The following HTRA4 variants were observed in gnomAD, a reference collection of about 807,000 sequenced individuals.
The protein encoded by HTRA4 is serine protease HTRA4.
A neutral mutation model predicts 49.1 loss-of-function variants in HTRA4; 46 were observed. That is an observed-to-expected ratio of 0.94 (90% CI 0.74 to 1.20). The LOEUF is 1.20. HTRA4 is among the 50% of genes most tolerant of loss of function. The pLI is 0.00. For synonymous variants in HTRA4, 261 were observed against 264.0 expected (o/e 0.99, Z 0.11); for missense variants, 602 against 636.9 (o/e 0.95, Z 0.59).
chr8:38,988,116 G>T lies in HTRA4; in HGVS notation c.*18G>T. 2.0e-6 allele frequency: 3 copies of T among 1,508,736 alleles called. No individual in the cohort carries two copies. Among genetic ancestry groups the T allele is most frequent in the Admixed American group, 2.5e-5 (1 of 40,256 alleles). The allele number at this position is 1,508,736 out of a possible 1,614,324, so 93.5% of individuals were successfully genotyped here. A position where few individuals can be genotyped will look rare whatever the true frequency, so the allele number is the denominator to read the frequency against. ...TCAATTAAATATCTTGTTTTAAAGTGGGATTATCTAAAAAAAAAAAAACCA... is the reference window on the plus strand; with the variant it reads ...TCAATTAAATATCTTGTTTTAAAGTTGGATTATCTAAAAAAAAAAAAACCA... On this transcript the variant is annotated 3_prime_UTR_variant, in exon 9 of 9. Transcript: ENST00000302495.
At chr8:38,975,840 A>C (rs1403007332) in intron 2 of HTRA4, among the ~76,000 whole-genome samples, 2 of 152,216 alleles carry the variant, frequency 1.3e-5, no homozygotes, top group Non-Finnish European at 2.9e-5. Flanking sequence ...CTAAGCCAGA[A>C]TCAGAGCCCT....
At position 38,980,573 on chromosome 8, in the gene HTRA4, C is replaced by CAAA. The variant is rs151157713; in HGVS notation, c.1000-1067_1000-1065dup. Reference sequence around the variant, plus strand: ...TGAAACCCCATCTCTACCTAACATACAAAAAAAAAAAAAAATTAACTGGGC... The same window carrying CAAA: ...TGAAACCCCATCTCTACCTAACATACAAAAAAAAAAAAAAAAAATTAACTGGGC... On this transcript the variant is annotated intron_variant, in intron 5 of 8. Coordinates refer to ENST00000302495, the MANE Select transcript of HTRA4 (RefSeq NM_153692.4). Among the ~76,000 whole-genome samples the CAAA allele has an allele frequency of 2.3e-3, 320 of 137,782 alleles. 1 individual carries two copies. Among genetic ancestry groups the CAAA allele is most frequent in the South Asian group, 4.5e-3 (19 of 4,248 alleles). 90.4% of individuals were successfully genotyped at this position (137,782 alleles called of 152,430 possible).
chr8:38,974,618 G>C lies in HTRA4; in HGVS notation c.355G>C (p.Asp119His). 11 of 1,425,804 alleles carry C rather than the reference G, an allele frequency of 7.7e-6. No individual in the cohort carries two copies. In the South Asian group the frequency reaches 1.3e-4, roughly 17 times the overall value. 88.3% of individuals were successfully genotyped at this position (1,425,804 alleles called of 1,614,324 possible). Reference sequence around the variant, plus strand: ...GCTGGGAGGGGCCGTGTGCGGCAGCGACAGGCGCACCTACCCCAGCATGTG... The same window carrying C: ...GCTGGGAGGGGCCGTGTGCGGCAGCCACAGGCGCACCTACCCCAGCATGTG... ...PTLGGAVCGS[D>H]RRTYPSMCAL... The change falls in exon 1 of 9, where the codon GAC (aspartate) becomes CAC (histidine). Residue 119 changes from aspartate to histidine, a missense_variant. Coordinates refer to ENST00000302495, the MANE Select transcript of HTRA4 (RefSeq NM_153692.4).
intron 4 of HTRA4, among the ~76,000 whole-genome samples, chr8:38,978,864 G>A (rs568202174): frequency 5.3e-4 from 80 of 152,050 alleles, no homozygotes; most frequent in African/African-American, 1.9e-3. Flanking sequence ...GCATGGTGGC[G>A]GGTGCCTGTA....
Position 38,974,690 on chromosome 8 carries a change from C to T in HTRA4, c.427C>T (p.Pro143Ser), listed in dbSNP as rs1460289958. 6 of 1,410,456 alleles carry T rather than the reference C, an allele frequency of 4.3e-6. No homozygotes were observed. The highest frequency in any genetic ancestry group is 1.6e-5 in the South Asian group (1 of 62,372). The allele number at this position is 1,410,456 out of a possible 1,614,324, so 87.4% of individuals were successfully genotyped here. A position where few individuals can be genotyped will look rare whatever the true frequency, so the allele number is the denominator to read the frequency against. The change falls in exon 1 of 9, where the codon CCG (proline) becomes TCG (serine). Residue 143 changes from proline to serine, a missense_variant. By Grantham distance (74) the Pro-to-Ser change is moderately conservative. Transcript: ENST00000302495. ...NRAARRLGKVPAVPVQWGNCG... is the reference protein window; with the variant it reads ...NRAARRLGKVSAVPVQWGNCG... ...CGCCGCGCGCCGCCTGGGCAAGGTC[C>T]CGGCCGTGCCTGTGCAGTGGGGGAA... is the stretch of plus-strand genomic sequence containing the variant.
At chr8:38,980,125 G>A (rs1835400402) in intron 5 of HTRA4, among the ~76,000 whole-genome samples, 1 of 152,122 alleles carries the variant, frequency 6.6e-6, no homozygotes, top group African/African-American at 2.4e-5. Flanking sequence ...GTTTCTAGTT[G>A]CCCAAATACA....
At chr8:38,987,835 G>A in intron 8 of HTRA4, 101 bp from the exon 9 acceptor site, 2 of 1,015,278 alleles carry the variant, frequency 2.0e-6, no homozygotes, top group Middle Eastern at 2.9e-4. Flanking sequence ...CTTAATGCCA[G>A]CAAAATAGTG....
rs1179578495 is a variant in HTRA4 at position 38,974,731 on chromosome 8, T to A, written c.466+2T>A. 1 of 1,425,442 alleles carries A rather than the reference T, an allele frequency of 7.0e-7. No individual in the cohort carries two copies. The highest frequency in any genetic ancestry group is 9.1e-7 in the Non-Finnish European group (1 of 1,097,738). The allele number at this position is 1,425,442 out of a possible 1,614,324, so 88.3% of individuals were successfully genotyped here. A position where few individuals can be genotyped will look rare whatever the true frequency, so the allele number is the denominator to read the frequency against. On this transcript the variant is annotated splice_donor_variant, in intron 1 of 8. Coordinates refer to ENST00000302495, the MANE Select transcript of HTRA4 (RefSeq NM_153692.4). LOFTEE classifies it high-confidence loss of function. Reference sequence around the variant, plus strand: ...AGTGGGGGAACTGCGGGGATACAGGTGAGCCGCGGGGGCGCGCGCCCTCGG... The same window carrying A: ...AGTGGGGGAACTGCGGGGATACAGGAGAGCCGCGGGGGCGCGCGCCCTCGG...
At chr8:38,975,186 A>G (rs1588289653) in intron 2 of HTRA4, 56 bp downstream of exon 2, 2 of 1,545,242 alleles carry the variant, frequency 1.3e-6, no homozygotes, top group South Asian at 1.1e-5. Flanking sequence ...CTGCGTGCCT[A>G]CCTGCTCCAG....
intron 8 of HTRA4, among the ~76,000 whole-genome samples, chr8:38,986,191 A>T (rs1450749241): frequency 6.6e-6 from 1 of 152,146 alleles, no homozygotes; most frequent in African/African-American, 2.4e-5. Context: ...GCTTTCACTG[A>T]CTTATACCTA....
rs1835518521 is a variant in HTRA4, at chr8:38,988,645, AAAAT to A, written c.*551_*554del. ...ATATGTACCTCAGAACTTAAAAATA[AAAAT>A]AAAAAGAAAAATGGTAATGTTGTGA... is the stretch of plus-strand genomic sequence containing the variant. On this transcript the variant is annotated 3_prime_UTR_variant, in exon 9 of 9. Transcript: ENST00000302495. 1.3e-5 allele frequency: 2 copies of A among 152,218 alleles called. No homozygotes were observed. Among genetic ancestry groups the A allele is most frequent in the African/African-American group, 4.8e-5 (2 of 41,444 alleles). 9.4% of individuals were successfully genotyped at this position (152,218 alleles called of 1,614,324 possible). A position where few individuals can be genotyped will look rare whatever the true frequency, so the allele number is the denominator to read the frequency against.
chr8:38,974,701 TG>T lies in HTRA4; in HGVS notation c.439del (p.Val147CysfsTer60). On this transcript the variant is annotated frameshift_variant, in exon 1 of 9. Coordinates refer to ENST00000302495, the MANE Select transcript of HTRA4 (RefSeq NM_153692.4). LOFTEE classifies it high-confidence loss of function. ...RRLGKVPAVP[V>X]QWGNCGDTGT... ...GCCTGGGCAAGGTCCCGGCCGTGCC[TG>T]TGCAGTGGGGGAACTGCGGGGATAC... 7.0e-7 allele frequency: 1 copy of T among 1,420,250 alleles called. No individual in the cohort carries two copies. The highest frequency in any genetic ancestry group is 9.1e-7 in the Non-Finnish European group (1 of 1,097,370). 88.0% of individuals were successfully genotyped at this position (1,420,250 alleles called of 1,614,324 possible).
chr8:38,974,554 GCTGCGCCCCGGGTTCCCCAGCAC>G lies in HTRA4; in HGVS notation c.297_319del (p.Pro100LeufsTer102). On this transcript the variant is annotated frameshift_variant, in exon 1 of 9. Coordinates refer to ENST00000302495, the MANE Select transcript of HTRA4 (RefSeq NM_153692.4). LOFTEE classifies it high-confidence loss of function. ...CCCCGGGGCTGCAGTGCCTCCAGCCGCTGCGCCCCGGGTTCCCCAGCACCTGCGGTTGCCCGACGCTGGGAGGG... is the reference window on the plus strand; with the variant it reads ...CCCCGGGGCTGCAGTGCCTCCAGCCGCTGCGGTTGCCCGACGCTGGGAGGG... 3 of 1,402,158 alleles carry G rather than the reference GCTGCGCCCCGGGTTCCCCAGCAC, an allele frequency of 2.1e-6. No homozygotes were observed. Among genetic ancestry groups the G allele is most frequent in the Non-Finnish European group, 2.8e-6 (3 of 1,087,118 alleles). The allele number at this position is 1,402,158 out of a possible 1,614,324, so 86.9% of individuals were successfully genotyped here.
intron 8 of HTRA4, among the ~76,000 whole-genome samples, chr8:38,986,265 TTGAAG>T (rs1382792468): frequency 6.6e-6 from 1 of 152,170 alleles, no homozygotes; most frequent in African/African-American, 2.4e-5. Flanking sequence ...CAGGCACTAT[TTGAAG>T]TGTTTTATTT....
chr8:38,988,239 T>C lies in HTRA4; in HGVS notation c.*141T>C. 4.3e-6 allele frequency: 3 copies of C among 689,970 alleles called. No homozygotes were observed. The South Asian group carries it at 6.1e-5, about 14-fold the overall frequency. 42.7% of individuals were successfully genotyped at this position (689,970 alleles called of 1,614,324 possible). On this transcript the variant is annotated 3_prime_UTR_variant, in exon 9 of 9. Coordinates refer to ENST00000302495, the MANE Select transcript of HTRA4 (RefSeq NM_153692.4). Reference sequence around the variant, plus strand: ...AAAAATGGATGGTTATCAACCCAAATGCCCATCAATGACAGACTGGATAAA... The same window carrying C: ...AAAAATGGATGGTTATCAACCCAAACGCCCATCAATGACAGACTGGATAAA...
rs372410798 is a variant in HTRA4, at chr8:38,979,259, C to G, written c.999+12C>G. ...CTCTGGTGAACTTGGTAAGTGATCA[C>G]TTTCCTTGTTGCTTCATGTTTCTTC... On this transcript the variant is annotated intron_variant, in intron 5 of 8. Transcript: ENST00000302495. The G allele has an allele frequency of 1.6e-5, 26 of 1,610,180 alleles. No individual in the cohort carries two copies. Among genetic ancestry groups the G allele is most frequent in the Non-Finnish European group, 2.2e-5 (26 of 1,176,636 alleles).
chr8:38,985,898 G>A (rs954785773), intron 8 of HTRA4, among the ~76,000 whole-genome samples: 5 of 152,200 alleles, frequency 3.3e-5, no homozygotes, highest in African/African-American at 1.2e-4. Flanking sequence ...GGAAGTTGCT[G>A]ATAAACAGAA....
chr8:38,979,293 C>G (rs1412105169), intron 5 of HTRA4, 46 bp downstream of exon 5: 2 of 1,567,404 alleles, frequency 1.3e-6, no homozygotes, highest in East Asian at 4.5e-5. Flanking sequence ...TCTTAACTTT[C>G]AAAGACTTTA....
At position 38,988,134 on chromosome 8, in the gene HTRA4, A is replaced by AT; in HGVS notation, c.*36_*37insT. On this transcript the variant is annotated 3_prime_UTR_variant, in exon 9 of 9. Coordinates refer to ENST00000302495, the MANE Select transcript of HTRA4 (RefSeq NM_153692.4). ...TTAAAGTGGGATTATCTAAAAAAAA[A>AT]AAAACCAGTTATATCACGTGGTTTG... is the stretch of plus-strand genomic sequence containing the variant. 6.6e-7 allele frequency: 1 copy of AT among 1,507,640 alleles called. No individual in the cohort carries two copies. The highest frequency in any genetic ancestry group is 1.3e-5 in the South Asian group (1 of 78,394). The allele number at this position is 1,507,640 out of a possible 1,614,324, so 93.4% of individuals were successfully genotyped here. A position where few individuals can be genotyped will look rare whatever the true frequency, so the allele number is the denominator to read the frequency against.
Sources: allele counts gnomAD v4.1 joint callset (sites outside exome capture counted in the v4.1 genomes callset), GRCh38; gene constraint gnomAD v4.1.1; transcripts MANE v1.5; gene names NCBI Gene and HGNC (gene_info 2026-07-23, HGNC 2026-07-21).